GAP43: variants seen among roughly 807,000 people sequenced by gnomAD.
GAP43 encodes neuromodulin.
A neutral mutation model predicts 18.6 loss-of-function variants in GAP43; 6 were observed. The observed-to-expected ratio is 0.32, with a 90% CI of 0.18 to 0.64. The LOEUF (loss-of-function observed/expected upper bound fraction) is 0.64. GAP43 is among the 30% of genes least tolerant of loss of function. The pLI, the probability that GAP43 is intolerant of heterozygous loss-of-function variation, is 0.78. For missense variants in GAP43, 292 were observed against 295.5 expected (o/e 0.99, Z 0.09); for synonymous variants, 115 against 111.4 (o/e 1.03, Z -0.20).
At chr3:115,639,787 C>T (rs1012777457) in intron 1 of GAP43, among the ~76,000 whole-genome samples, 2 of 152,034 alleles carry the variant, frequency 1.3e-5, no homozygotes, top group African/African-American at 4.8e-5. Flanking sequence ...CTCCTACACA[C>T]AAAAATATAA....
At chr3:115,706,825 G>T (rs2107372278) in intron 2 of GAP43, among the ~76,000 whole-genome samples, 1 of 152,216 alleles carries the variant, frequency 6.6e-6, no homozygotes, top group East Asian at 1.9e-4. Context: ...TTTCTCTTTG[G>T]CTGTGAGTTA....
intron 1 of GAP43, among the ~76,000 whole-genome samples, chr3:115,659,718 A>G (rs1220691374): frequency 6.6e-6 from 1 of 152,166 alleles, no homozygotes; most frequent in Non-Finnish European, 1.5e-5. Context: ...GAAGAGACCC[A>G]CGAGGGTAGA....
chr3:115,689,501 A>C (rs1300885980), intron 2 of GAP43, among the ~76,000 whole-genome samples: 1 of 152,204 alleles, frequency 6.6e-6, no homozygotes, highest in Non-Finnish European at 1.5e-5. Context: ...AAAAGCTAAG[A>C]GTTTTTCAGG....
intron 1 of GAP43, among the ~76,000 whole-genome samples, chr3:115,673,263 T>C (rs1216664017): frequency 6.6e-6 from 1 of 151,992 alleles, no homozygotes; most frequent in Non-Finnish European, 1.5e-5. Flanking sequence ...GGAGAGAAAA[T>C]TGAGAGCCCT....
At chr3:115,672,976 T>C (rs1708832845) in intron 1 of GAP43, among the ~76,000 whole-genome samples, 1 of 152,184 alleles carries the variant, frequency 6.6e-6, no homozygotes, top group African/African-American at 2.4e-5. Flanking sequence ...TTTGGGTACC[T>C]GGCTCTTATA....
chr3:115,679,101 A>C (rs1256950488), intron 2 of GAP43, among the ~76,000 whole-genome samples: 1 of 151,930 alleles, frequency 6.6e-6, no homozygotes, highest in African/African-American at 2.4e-5. Flanking sequence ...ACTGGGCTGT[A>C]CTGTTCGGAA....
intron 1 of GAP43, among the ~76,000 whole-genome samples, chr3:115,658,357 C>A (rs1436422643): frequency 6.6e-6 from 1 of 152,176 alleles, no homozygotes; most frequent in Non-Finnish European, 1.5e-5. Flanking sequence ...CAAGTCAGGG[C>A]TTCGTTTCTC....
At chr3:115,667,055 C>T (rs1213537884) in intron 1 of GAP43, among the ~76,000 whole-genome samples, 2 of 152,114 alleles carry the variant, frequency 1.3e-5, no homozygotes, top group African/African-American at 4.8e-5. Context: ...TGAGTGTTCA[C>T]ACACAGAGAG....
At chr3:115,680,703 G>T (rs1708949850) in intron 2 of GAP43, among the ~76,000 whole-genome samples, 1 of 152,112 alleles carries the variant, frequency 6.6e-6, no homozygotes, top group Non-Finnish European at 1.5e-5. Flanking sequence ...TAAAAACGTT[G>T]CATATAATGT....
At chr3:115,666,308 T>G (rs1708732210) in intron 1 of GAP43, among the ~76,000 whole-genome samples, 1 of 152,170 alleles carries the variant, frequency 6.6e-6, no homozygotes, top group Non-Finnish European at 1.5e-5. Context: ...GCTTATCTCT[T>G]TCTTTGAGAA....
intron 1 of GAP43, among the ~76,000 whole-genome samples, chr3:115,624,098 CA>C (rs5851966): frequency 0.74 from 112,219 of 151,676 alleles, 41,742 homozygotes; most frequent in East Asian, 0.83. Context: ...ATATTATTTG[CA>C]AAAAAGCAGG....
intron 1 of GAP43, among the ~76,000 whole-genome samples, chr3:115,660,473 C>T (rs1708644865): frequency 6.6e-6 from 1 of 152,166 alleles, no homozygotes; most frequent in Non-Finnish European, 1.5e-5. Flanking sequence ...CCTTAATGTA[C>T]AGACAAAGAA....
At chr3:115,661,445 A>G (rs1708657779) in intron 1 of GAP43, among the ~76,000 whole-genome samples, 2 of 152,150 alleles carry the variant, frequency 1.3e-5, no homozygotes, top group Admixed American at 6.5e-5. Context: ...TTGCTTTGTC[A>G]AGCCCACCGG....
chr3:115,652,309 T>C (rs1708527608), intron 1 of GAP43, among the ~76,000 whole-genome samples: 1 of 150,794 alleles, frequency 6.6e-6, no homozygotes, highest in Non-Finnish European at 1.5e-5. Flanking sequence ...AATCGTATTT[T>C]CTACATCTCT....
rs200187029 is a variant in GAP43 at position 115,687,998 on chromosome 3, A to AT, written c.628+11395dup. ...TGACTCACCCAGGGTTACTAACGAA[A>AT]TTTTTTTATTATTTATTTATTTATT... On this transcript the variant is annotated intron_variant, in intron 2 of 2. Transcript: ENST00000305124. Among the ~76,000 whole-genome samples, 1,214 of 139,688 alleles carry AT rather than the reference A, an allele frequency of 8.7e-3. 22 individuals carry two copies. Among genetic ancestry groups the AT allele is most frequent in the African/African-American group, 0.029 (1,052 of 36,536 alleles). 91.6% of individuals were successfully genotyped at this position (139,688 alleles called of 152,430 possible). A position where few individuals can be genotyped will look rare whatever the true frequency, so the allele number is the denominator to read the frequency against.
intron 1 of GAP43, among the ~76,000 whole-genome samples, chr3:115,656,608 G>A (rs775426333): frequency 1.8e-4 from 27 of 152,122 alleles, no homozygotes; most frequent in South Asian, 1.0e-3. Flanking sequence ...CCTAAACTTC[G>A]ATTTTGTAAT....
chr3:115,715,817 C>A (rs1179240455), intron 2 of GAP43, among the ~76,000 whole-genome samples: 4 of 152,176 alleles, frequency 2.6e-5, no homozygotes, highest in Non-Finnish European at 4.4e-5. Context: ...GGACTCCCTG[C>A]TTTAGTTATC....
intron 2 of GAP43, among the ~76,000 whole-genome samples, chr3:115,690,999 C>T (rs1709104770): frequency 6.6e-6 from 1 of 151,998 alleles, no homozygotes; most frequent in South Asian, 2.1e-4. Flanking sequence ...TCATGATCCA[C>T]CCGCCTCGGC....
intron 1 of GAP43, among the ~76,000 whole-genome samples, chr3:115,648,473 A>G (rs930153198): frequency 6.6e-6 from 1 of 152,164 alleles, no homozygotes; most frequent in Admixed American, 6.5e-5. Flanking sequence ...AAATATGATT[A>G]TAAGATTTCT....
Sources: gnomAD v4.1 joint callset for allele counts (sites outside exome capture counted in the v4.1 genomes callset) on GRCh38, gnomAD v4.1.1 for gene constraint, MANE v1.5 for transcripts, NCBI Gene and HGNC (gene_info 2026-07-23, HGNC 2026-07-21) for gene names.